Variants in RBPMS2 observed in about 807,000 individuals in gnomAD.
RBPMS2 encodes RNA binding protein, mRNA processing factor 2, also known as RNA-binding protein with multiple splicing 2.
In RBPMS2, 14 loss-of-function variants were observed where a neutral mutation model predicts 25.7. That is an observed-to-expected ratio of 0.55 (90% CI 0.36 to 0.85). RBPMS2 has a LOEUF of 0.85. Among genes scored for constraint, RBPMS2 ranks in the 40% least tolerant of loss-of-function variants. The probability of loss-of-function intolerance (pLI) is 0.01; values close to 1 mark genes in which losing one functional copy is unlikely to be tolerated. For missense variants in RBPMS2, 252 were observed against 283.4 expected, an observed-to-expected ratio of 0.89 and a Z score of 0.80; for synonymous variants, 127 against 115.6, an observed-to-expected ratio of 1.10 and a Z score of -0.63.
At chr15:64,765,849 T>C (rs1265373059) in intron 1 of RBPMS2, among the ~76,000 whole-genome samples, 1 of 151,386 alleles carries the variant, frequency 6.6e-6, no homozygotes, top group African/African-American at 2.4e-5. Flanking sequence ...AAAAATTAGC[T>C]GGGCATGGTG....
intron 1 of RBPMS2, among the ~76,000 whole-genome samples, chr15:64,760,875 C>A (rs1356362980): frequency 6.6e-6 from 1 of 151,666 alleles, no homozygotes; most frequent in Non-Finnish European, 1.5e-5. Context: ...TGGAACCACT[C>A]CCCACTCTTC....
At chr15:64,762,322 T>G (rs1039816963) in intron 1 of RBPMS2, 1 of 517,300 alleles carries the variant, frequency 1.9e-6, no homozygotes, top group Admixed American at 2.0e-5. Flanking sequence ...TGAGTGTGAG[T>G]GGCCTTGTGC....
chr15:64,741,964 G>A (rs893515265), intron 6 of RBPMS2, among the ~76,000 whole-genome samples: 13 of 152,160 alleles, frequency 8.5e-5, no homozygotes, highest in Admixed American at 3.9e-4. Flanking sequence ...TTCAGAGTTC[G>A]AGACCAGCCT....
chr15:64,749,322 A>G (rs1595786610), intron 4 of RBPMS2, 109 bp downstream of exon 4: 1 of 1,304,058 alleles, frequency 7.7e-7, no homozygotes, highest in East Asian at 2.3e-5. Context: ...TGGCACAGAC[A>G]GTGTCGCCAA....
chr15:64,762,355 G>A (rs746473842), intron 1 of RBPMS2: 1 of 380,936 alleles, frequency 2.6e-6, no homozygotes, highest in Non-Finnish European at 5.2e-6. Flanking sequence ...GGGGAGGTTG[G>A]GGATGGGTGC....
chr15:64,763,537 T>C (rs562000457), intron 1 of RBPMS2, among the ~76,000 whole-genome samples: 1 of 152,314 alleles, frequency 6.6e-6, no homozygotes, highest in South Asian at 2.1e-4. Flanking sequence ...AAATCCCATG[T>C]TATCAGGGCC....
At chr15:64,768,110 C>T (rs531730940) in intron 1 of RBPMS2, among the ~76,000 whole-genome samples, 1 of 152,326 alleles carries the variant, frequency 6.6e-6, no homozygotes, top group South Asian at 2.1e-4. Context: ...GAGCAAGAAT[C>T]GTTTCTTTAG....
At chr15:64,743,823 G>T (rs1428911461) in intron 6 of RBPMS2, among the ~76,000 whole-genome samples, 2 of 152,214 alleles carry the variant, frequency 1.3e-5, no homozygotes, top group Non-Finnish European at 2.9e-5. Context: ...ATAAATATAA[G>T]GCCAGGTGTG....
Position 64,750,200 on chromosome 15 carries a change from C to T in RBPMS2, c.204+143G>A, listed in dbSNP as rs904021512. The T allele has an allele frequency of 1.3e-5, 10 of 773,676 alleles. No individual in the cohort carries two copies. The African/African-American group carries it at 1.5e-4, about 12-fold the overall frequency. The allele number at this position is 773,676 out of a possible 1,614,324, so 47.9% of individuals were successfully genotyped here. On this transcript the variant is annotated intron_variant, in intron 3 of 7. Coordinates refer to ENST00000300069, the MANE Select transcript of RBPMS2 (RefSeq NM_194272.3). ...GAAGAGACAGTGGGACCTACAGAGG[C>T]TGCTCTGTCAGAAACAGGACAACAG...
At chr15:64,749,332 A>G in intron 4 of RBPMS2, 99 bp downstream of exon 4, 1 of 1,345,960 alleles carries the variant, frequency 7.4e-7, no homozygotes, top group Non-Finnish European at 1.1e-6. Flanking sequence ...AGTGTCGCCA[A>G]GGACTCTGCC....
chr15:64,764,648 G>T (rs2083824939), intron 1 of RBPMS2, among the ~76,000 whole-genome samples: 1 of 152,232 alleles, frequency 6.6e-6, no homozygotes. Context: ...GGGCACGGTG[G>T]CTCACGCCTG....
At chr15:64,762,079 T>C (rs1271518298) in intron 1 of RBPMS2, among the ~76,000 whole-genome samples, 2 of 152,168 alleles carry the variant, frequency 1.3e-5, no homozygotes, top group African/African-American at 4.8e-5. Context: ...CTCGAATTCC[T>C]GGACTCAAGC....
intron 1 of RBPMS2, among the ~76,000 whole-genome samples, chr15:64,772,618 A>T (rs2083900097): frequency 6.6e-6 from 1 of 152,142 alleles, no homozygotes; most frequent in African/African-American, 2.4e-5. Flanking sequence ...GGTTACACAA[A>T]CCTACCTCCT....
intron 1 of RBPMS2, among the ~76,000 whole-genome samples, chr15:64,773,052 G>A (rs1224366275): frequency 2.0e-5 from 3 of 152,148 alleles, no homozygotes; most frequent in Non-Finnish European, 2.9e-5. Context: ...GAGGTCTTAC[G>A]GCGTGCAGCA....
intron 1 of RBPMS2, among the ~76,000 whole-genome samples, chr15:64,771,388 T>C (rs1268152518): frequency 1.3e-5 from 2 of 152,206 alleles, no homozygotes; most frequent in African/African-American, 2.4e-5. Flanking sequence ...AATTTGTATA[T>C]AACCTATGCA....
chr15:64,750,663 T>C (rs1370942574), intron 2 of RBPMS2, among the ~76,000 whole-genome samples: 1 of 152,226 alleles, frequency 6.6e-6, no homozygotes. Flanking sequence ...GCACAGACCT[T>C]ACCTTTTAAG....
intron 1 of RBPMS2, among the ~76,000 whole-genome samples, chr15:64,752,125 A>C (rs1343151676): frequency 6.6e-6 from 1 of 151,870 alleles, no homozygotes; most frequent in East Asian, 1.9e-4. Flanking sequence ...CCACCACGCC[A>C]TGCTAATCGG....
rs1462834167 is a variant in RBPMS2, at chr15:64,739,965, C to T, written c.*1043G>A. On this transcript the variant is annotated 3_prime_UTR_variant, in exon 8 of 8. Transcript: ENST00000300069. ...ATTCTCACAGGATCAGCAATGACAA[C>T]AGCCGCCTCATCTCCCAAGTCTGAA... 2 of 152,670 alleles carry T rather than the reference C, an allele frequency of 1.3e-5. No individual in the cohort carries two copies. Among genetic ancestry groups the T allele is most frequent in the Non-Finnish European group, 2.9e-5 (2 of 68,048 alleles). 9.5% of individuals were successfully genotyped at this position (152,670 alleles called of 1,614,324 possible). A position where few individuals can be genotyped will look rare whatever the true frequency, so the allele number is the denominator to read the frequency against.
rs1345950192 is a variant in RBPMS2, at chr15:64,740,550, A to C, written c.*458T>G. The C allele has an allele frequency of 6.5e-6, 1 of 152,942 alleles. No individual in the cohort carries two copies. The highest frequency in any genetic ancestry group is 6.5e-5 in the Admixed American group (1 of 15,280). 9.5% of individuals were successfully genotyped at this position (152,942 alleles called of 1,614,324 possible). ...GCGGGGCGAGGAGAGAGGGGCAGGC[A>C]GGATGAACCACTGGGAGCCAGGACC... is the stretch of plus-strand genomic sequence containing the variant. On this transcript the variant is annotated 3_prime_UTR_variant, in exon 8 of 8. Transcript: ENST00000300069.
Sources: allele counts gnomAD v4.1 joint callset (sites outside exome capture counted in the v4.1 genomes callset), GRCh38; gene constraint gnomAD v4.1.1; transcripts MANE v1.5; gene names NCBI Gene and HGNC (gene_info 2026-07-23, HGNC 2026-07-21).